The following UNC13C variants were observed in gnomAD, a reference collection of about 807,000 sequenced individuals.
The protein encoded by UNC13C is unc-13 homolog C.
In UNC13C, 174 loss-of-function variants were observed where a neutral mutation model predicts 245.4. The ratio of observed to expected loss-of-function variants is 0.71; its 90% CI spans 0.63 to 0.80. The LOEUF is 0.80. UNC13C is among the 30% of genes least tolerant of loss of function. The probability of loss-of-function intolerance (pLI) is 0.00; values close to 1 mark genes in which losing one functional copy is unlikely to be tolerated. For missense variants in UNC13C, 2,829 were observed against 2,602.9 expected (o/e 1.09, Z -1.89); for synonymous variants, 992 against 895.1 (o/e 1.11, Z -1.93).
intron 18 of UNC13C, among the ~76,000 whole-genome samples, chr15:54,407,937 C>G (rs1202648640): frequency 1.3e-5 from 2 of 151,954 alleles, no homozygotes; most frequent in African/African-American, 4.8e-5. Context: ...TGCGGTGGCT[C>G]ACACCTGTAA....
chr15:54,508,000 T>C (rs79449416), intron 23 of UNC13C, among the ~76,000 whole-genome samples: 1 of 152,076 alleles, frequency 6.6e-6, no homozygotes, highest in African/African-American at 2.4e-5. Context: ...TGAAACCTCA[T>C]TGACCTCTTG....
At chr15:54,019,018 A>T (rs937236956) in intron 2 of UNC13C, among the ~76,000 whole-genome samples, 1 of 152,236 alleles carries the variant, frequency 6.6e-6, no homozygotes, top group Non-Finnish European at 1.5e-5. Context: ...ACTCAGAAGA[A>T]TAGACATAAA....
At chr15:54,611,913 G>C (rs979117970) in intron 30 of UNC13C, among the ~76,000 whole-genome samples, 7 of 151,900 alleles carry the variant, frequency 4.6e-5, no homozygotes, top group African/African-American at 1.2e-4. Flanking sequence ...CCATTTACAT[G>C]ACCTTGCAAC....
At chr15:53,859,711 A>T in the UNC13C span, among the ~76,000 whole-genome samples, 1 of 152,164 alleles carries the variant, frequency 6.6e-6, no homozygotes, top group African/African-American at 2.4e-5. Flanking sequence ...CTTCATCTAA[A>T]TGGATACCCA....
At chr15:54,463,537 C>T (rs144848617) in intron 19 of UNC13C, among the ~76,000 whole-genome samples, 1 of 151,970 alleles carries the variant, frequency 6.6e-6, no homozygotes, top group East Asian at 2.0e-4. Flanking sequence ...GCAAGCAATT[C>T]CAGACGCGCC....
intron 25 of UNC13C, among the ~76,000 whole-genome samples, chr15:54,528,635 C>A (rs1339775142): frequency 6.6e-6 from 1 of 151,914 alleles, no homozygotes; most frequent in Non-Finnish European, 1.5e-5. Flanking sequence ...TCTGTCCCCC[C>A]ACCCCAATGC....
chr15:54,359,776 T>TGG (rs2039186997), intron 17 of UNC13C, among the ~76,000 whole-genome samples: 1 of 151,932 alleles, frequency 6.6e-6, no homozygotes. Context: ...TTTATAATTG[T>TGG]TGTTTATTTT....
At chr15:54,109,705 A>C (rs906877912) in intron 2 of UNC13C, among the ~76,000 whole-genome samples, 2 of 152,040 alleles carry the variant, frequency 1.3e-5, no homozygotes, top group Admixed American at 6.6e-5. Flanking sequence ...AATAATCCAC[A>C]CCTCATAAAC....
At position 54,496,738 on chromosome 15, in the gene UNC13C, T is replaced by G. The variant is rs1318346445; in HGVS notation, c.5060+2004T>G. ...GGAATGGAAAACCAAACATTATATG[T>G]TTTCACTCATAAGTGGGAGCTGAGC... On this transcript the variant is annotated intron_variant, in intron 20 of 32. Coordinates refer to ENST00000260323, the MANE Select transcript of UNC13C (RefSeq NM_001080534.3). Among the ~76,000 whole-genome samples the G allele has an allele frequency of 3.3e-5, 5 of 151,596 alleles. No homozygotes were observed. The Admixed American group carries it at 3.3e-4, about 10-fold the overall frequency.
At chr15:53,985,125 G>A (rs190165530) in intron 1 of UNC13C, among the ~76,000 whole-genome samples, 3 of 151,818 alleles carry the variant, frequency 2.0e-5, no homozygotes, top group East Asian at 3.9e-4. Flanking sequence ...AGGCCCTGGT[G>A]TGTGTTGTTC....
At chr15:54,016,867 G>A (rs1307165400) in intron 2 of UNC13C, among the ~76,000 whole-genome samples, 2 of 152,048 alleles carry the variant, frequency 1.3e-5, no homozygotes, top group Non-Finnish European at 2.9e-5. Flanking sequence ...CATTAATTAA[G>A]CTATTACTCT....
chr15:54,023,955 G>A (rs1191395372), intron 2 of UNC13C, among the ~76,000 whole-genome samples: 1 of 152,202 alleles, frequency 6.6e-6, no homozygotes, highest in African/African-American at 2.4e-5. Flanking sequence ...TTCAAGCTCA[G>A]AGACATATTT....
intron 24 of UNC13C, among the ~76,000 whole-genome samples, chr15:54,522,984 A>G (rs1895288689): frequency 6.6e-6 from 1 of 152,222 alleles, no homozygotes; most frequent in Admixed American, 6.5e-5. Context: ...TACTACTTAT[A>G]TAACTAGGAT....
At chr15:54,543,953 G>A (rs911791984) in intron 26 of UNC13C, among the ~76,000 whole-genome samples, 5 of 152,126 alleles carry the variant, frequency 3.3e-5, no homozygotes, top group African/African-American at 1.2e-4. Flanking sequence ...TATGAAGCCA[G>A]CATCATCCTG....
chr15:54,148,668 G>T (rs2032384144), intron 4 of UNC13C, among the ~76,000 whole-genome samples: 1 of 152,114 alleles, frequency 6.6e-6, no homozygotes, highest in Non-Finnish European at 1.5e-5. Context: ...TCATAGCTGA[G>T]AACTTTTAAT....
chr15:54,208,734 A>G (rs998783367), intron 4 of UNC13C, among the ~76,000 whole-genome samples: 1 of 152,148 alleles, frequency 6.6e-6, no homozygotes, highest in Admixed American at 6.6e-5. Flanking sequence ...TGGTAAGGTT[A>G]TATAAGTCTC....
At chr15:54,603,207 C>G (rs1899540040) in intron 30 of UNC13C, among the ~76,000 whole-genome samples, 1 of 152,184 alleles carries the variant, frequency 6.6e-6, no homozygotes, top group Non-Finnish European at 1.5e-5. Context: ...TTGTTTGTCT[C>G]TGTGTGGATT....
intron 19 of UNC13C, among the ~76,000 whole-genome samples, chr15:54,425,720 A>AT (rs1215373763): frequency 1.3e-5 from 2 of 151,796 alleles, no homozygotes; most frequent in Admixed American, 6.6e-5. Flanking sequence ...CTAGCCAGCT[A>AT]TTTTTTCCTC....
intron 18 of UNC13C, among the ~76,000 whole-genome samples, chr15:54,398,845 C>T (rs1050765468): frequency 6.6e-6 from 1 of 151,446 alleles, no homozygotes; most frequent in Non-Finnish European, 1.5e-5. Context: ...TGTGTCTTCT[C>T]TCTTTTGTTC....
Sources: gnomAD v4.1 joint callset for allele counts (sites outside exome capture counted in the v4.1 genomes callset) on GRCh38, gnomAD v4.1.1 for gene constraint, MANE v1.5 for transcripts, NCBI Gene and HGNC (gene_info 2026-07-23, HGNC 2026-07-21) for gene names.